The following ZNF385D variants were observed in gnomAD, a reference collection of about 807,000 sequenced individuals.
ZNF385D encodes zinc finger protein 659.
Under a neutral mutation model 35.8 loss-of-function variants are expected in ZNF385D, and 15 were observed. That is an observed-to-expected ratio of 0.42 (90% CI 0.28 to 0.64). The LOEUF is 0.64. ZNF385D is among the 30% of genes least tolerant of loss of function. ZNF385D has a pLI of 0.23. For synonymous variants in ZNF385D, 212 were observed against 186.8 expected (o/e 1.13, Z -1.10); for missense variants, 474 against 494.6 (o/e 0.96, Z 0.39).
At chr3:22,240,556 A>T (rs763763349) in intron 2 of ZNF385D, among the ~76,000 whole-genome samples, 3 of 150,976 alleles carry the variant, frequency 2.0e-5, no homozygotes, top group Non-Finnish European at 4.4e-5. Flanking sequence ...CCACAGCATT[A>T]CCTTGAGCCC....
chr3:22,308,041 CT>C (rs902988841), intron 2 of ZNF385D, among the ~76,000 whole-genome samples: 4 of 152,052 alleles, frequency 2.6e-5, no homozygotes, highest in African/African-American at 9.7e-5. Context: ...GCTCCATTTA[CT>C]TTCAGGTCAA....
At chr3:21,872,986 C>T (rs551588276) in intron 3 of ZNF385D, among the ~76,000 whole-genome samples, 3 of 152,110 alleles carry the variant, frequency 2.0e-5, no homozygotes, top group South Asian at 2.1e-4. Context: ...TCGTGCCAGT[C>T]GATTTATGTA....
chr3:22,222,576 C>T (rs1232479757), intron 2 of ZNF385D, among the ~76,000 whole-genome samples: 1 of 152,128 alleles, frequency 6.6e-6, no homozygotes, highest in Non-Finnish European at 1.5e-5. Flanking sequence ...GCTTGCATAA[C>T]AGGAACTAGC....
chr3:22,241,999 C>T (rs1034466568), intron 2 of ZNF385D, among the ~76,000 whole-genome samples: 1 of 150,010 alleles, frequency 6.7e-6, no homozygotes, highest in Non-Finnish European at 1.5e-5. Context: ...ACCGCATATT[C>T]TCACTCATAG....
intron 3 of ZNF385D, among the ~76,000 whole-genome samples, chr3:22,035,471 A>C (rs905105086): frequency 1.1e-4 from 16 of 152,194 alleles, no homozygotes; most frequent in African/African-American, 3.9e-4. Flanking sequence ...CAGAACACAA[A>C]CCATAAAAGA....
intron 2 of ZNF385D, among the ~76,000 whole-genome samples, chr3:21,630,838 A>G (rs1247906304): frequency 6.6e-6 from 1 of 152,126 alleles, no homozygotes; most frequent in Non-Finnish European, 1.5e-5. Flanking sequence ...TATGTCTCTA[A>G]CATACCCAGG....
At chr3:21,674,895 A>AATGGATGGATGG (rs150113836) in intron 1 of ZNF385D, among the ~76,000 whole-genome samples, 114 of 150,428 alleles carry the variant, frequency 7.6e-4, no homozygotes, top group Middle Eastern at 3.4e-3. Flanking sequence ...TTGTTTTAGA[A>AATGGATGGATGG]ATGGATGGAT....
intron 3 of ZNF385D, among the ~76,000 whole-genome samples, chr3:21,968,598 T>G (rs1703047104): frequency 6.6e-6 from 1 of 152,074 alleles, no homozygotes; most frequent in Non-Finnish European, 1.5e-5. Flanking sequence ...CATACTTTAT[T>G]TCTAGACACA....
intron 3 of ZNF385D, among the ~76,000 whole-genome samples, chr3:22,044,403 C>T (rs1472653446): frequency 3.9e-5 from 6 of 151,988 alleles, no homozygotes; most frequent in Non-Finnish European, 8.8e-5. Flanking sequence ...CACCCTTTGG[C>T]CCACTGTGTT....
rs185789834 is a variant in ZNF385D, at chr3:21,595,291, A to G, written c.166-30607T>C. Among the ~76,000 whole-genome samples the G allele has an allele frequency of 3.0e-4, 45 of 152,202 alleles. 1 individual carries two copies. The highest frequency in any genetic ancestry group is 1.1e-3 in the African/African-American group (45 of 41,530). The stretch of plus-strand genomic sequence containing the variant: ...TTACTTCAACCTCCAGGCGAGCCCT[A>G]TTCACATATAGGTCTTCACTCTGGC... On this transcript the variant is annotated intron_variant, in intron 2 of 7. Transcript: ENST00000281523.
chr3:22,230,500 C>CTTTAATG (rs1698822954), intron 2 of ZNF385D, among the ~76,000 whole-genome samples: 2 of 152,110 alleles, frequency 1.3e-5, no homozygotes, highest in African/African-American at 4.8e-5. Context: ...GATTCCACTC[C>CTTTAATG]AAGGTCATCA....
At chr3:21,645,185 G>A (rs1269744296) in intron 2 of ZNF385D, among the ~76,000 whole-genome samples, 2 of 152,132 alleles carry the variant, frequency 1.3e-5, no homozygotes, top group Admixed American at 6.5e-5. Context: ...TGGCAGTACC[G>A]GAATTGGCAA....
chr3:22,328,549 G>A (rs1694780013), intron 2 of ZNF385D, among the ~76,000 whole-genome samples: 1 of 152,018 alleles, frequency 6.6e-6, no homozygotes, highest in Admixed American at 6.6e-5. Context: ...CAGATCATAA[G>A]ATCAAGATAT....
chr3:21,809,981 G>C lies in ZNF385D; in HGVS notation c.326-144953C>G, dbSNP rs2072838561. Reference sequence around the variant, plus strand: ...AAACATTTCAAGAAAAATTTACATGGATTCCATACAATATCTTCCAGAAAA... The same window carrying C: ...AAACATTTCAAGAAAAATTTACATGCATTCCATACAATATCTTCCAGAAAA... On this transcript the variant is annotated intron_variant, in intron 3 of 5. Transcript: ENST00000494108. 2.0e-5 allele frequency among the ~76,000 whole-genome samples: 3 copies of C among 151,998 alleles called. No homozygotes were observed. In the South Asian group the frequency reaches 6.2e-4, roughly 31 times the overall value.
chr3:21,841,566 C>A (rs1695677145), intron 3 of ZNF385D, among the ~76,000 whole-genome samples: 1 of 151,980 alleles, frequency 6.6e-6, no homozygotes, highest in Non-Finnish European at 1.5e-5. Context: ...ATCCTGACCA[C>A]TGATAAGGCT....
chr3:22,251,623 A>G (rs1700068211), intron 2 of ZNF385D, among the ~76,000 whole-genome samples: 1 of 152,122 alleles, frequency 6.6e-6, no homozygotes, highest in African/African-American at 2.4e-5. Flanking sequence ...ATTACATGTC[A>G]GTAGTGAATC....
chr3:22,104,484 C>T (rs1576326693), intron 3 of ZNF385D, among the ~76,000 whole-genome samples: 1 of 152,142 alleles, frequency 6.6e-6, no homozygotes, highest in East Asian at 1.9e-4. Context: ...TCTTCTATTT[C>T]ACTAACTGTA....
chr3:22,003,295 AAC>A (rs1436522635), intron 3 of ZNF385D, among the ~76,000 whole-genome samples: 1 of 152,200 alleles, frequency 6.6e-6, no homozygotes, highest in Non-Finnish European at 1.5e-5. Flanking sequence ...AACTAGCCAA[AAC>A]AGATATCAAG....
chr3:21,453,158 C>T (rs1048329409), intron 4 of ZNF385D, among the ~76,000 whole-genome samples: 2 of 88,516 alleles, frequency 2.3e-5, no homozygotes, highest in African/African-American at 6.5e-5. Flanking sequence ...GACAAATAAG[C>T]ATACACATGC....
Sources: allele counts gnomAD v4.1 joint callset (sites outside exome capture counted in the v4.1 genomes callset), GRCh38; gene constraint gnomAD v4.1.1; transcripts MANE v1.5; gene names NCBI Gene and HGNC (gene_info 2026-07-23, HGNC 2026-07-21).